CORO7: variants seen among roughly 807,000 people sequenced by gnomAD.
CORO7 encodes coronin 7, also known as coronin-7.
In CORO7, 107 loss-of-function variants were observed where a neutral mutation model predicts 126.6. That is an observed-to-expected ratio of 0.85 (90% CI 0.72 to 0.99). The LOEUF (loss-of-function observed/expected upper bound fraction) is 0.99, where lower values mean the gene tolerates loss of function less well. CORO7 is among the 50% of genes least tolerant of loss of function. The probability of loss-of-function intolerance (pLI) is 0.00; values close to 1 mark genes in which losing one functional copy is unlikely to be tolerated. For synonymous variants in CORO7, 603 were observed against 536.8 expected, an observed-to-expected ratio of 1.12 and a Z score of -1.70; for missense variants, 1,314 against 1,255.8, an observed-to-expected ratio of 1.05 and a Z score of -0.70.
intron 9 of CORO7, among the ~76,000 whole-genome samples, chr16:4,372,144 C>G (rs944682549): frequency 1.3e-5 from 2 of 151,830 alleles, no homozygotes; most frequent in Non-Finnish European, 2.9e-5. Flanking sequence ...GGCCGCCCGG[C>G]GGGCAGGCCC....
chr16:4,391,937 G>C, intron 7 of CORO7, among the ~76,000 whole-genome samples: 1 of 152,192 alleles, frequency 6.6e-6, no homozygotes, highest in East Asian at 1.9e-4. Flanking sequence ...GAGGGGAGGC[G>C]CGTGCCCGCC....
At chr16:4,403,645 G>A (rs1417817917) in intron 6 of CORO7, among the ~76,000 whole-genome samples, 1 of 152,110 alleles carries the variant, frequency 6.6e-6, no homozygotes, top group Non-Finnish European at 1.5e-5. Context: ...ACACCAGTAA[G>A]CAAGGAGAAG....
chr16:4,388,860 A>G (rs2055288760), intron 7 of CORO7, among the ~76,000 whole-genome samples: 1 of 152,168 alleles, frequency 6.6e-6, no homozygotes, highest in South Asian at 2.1e-4. Context: ...CTCTGCACCC[A>G]GAGGCCAACC....
intron 16 of CORO7, chr16:4,361,703 T>G (rs2054185479): frequency 1.3e-6 from 1 of 789,674 alleles, no homozygotes; most frequent in African/African-American, 1.7e-5. Context: ...AAGCTCCGGC[T>G]TAGGGCTCAG....
chr16:4,415,985 A>ACTG (rs2056396154), intron 1 of CORO7: 1 of 657,270 alleles, frequency 1.5e-6, no homozygotes, highest in East Asian at 1.4e-4. Flanking sequence ...CCTCCCCACC[A>ACTG]CTGACACACT....
chr16:4,355,121 G>A lies in CORO7; in HGVS notation c.*37C>T. ...AGCCGTGAGGTGTGCACTAGGAAGT[G>A]GCAGCACAGGTGAGGTGGAGGTGAC... On this transcript the variant is annotated 3_prime_UTR_variant, in exon 28 of 28. Coordinates refer to ENST00000251166, the MANE Select transcript of CORO7 (RefSeq NM_024535.5). 6.7e-7 allele frequency: 1 copy of A among 1,484,340 alleles called. No individual in the cohort carries two copies. The highest frequency in any genetic ancestry group is 2.4e-5 in the East Asian group (1 of 41,514). 91.9% of individuals were successfully genotyped at this position (1,484,340 alleles called of 1,614,324 possible).
intron 9 of CORO7, among the ~76,000 whole-genome samples, chr16:4,375,842 A>T (rs1001526605): frequency 6.6e-6 from 1 of 152,140 alleles, no homozygotes; most frequent in African/African-American, 2.4e-5. Context: ...GGTTTTTTTT[A>T]GAAAGCTTCC....
chr16:4,377,670 T>C (rs959196873), intron 9 of CORO7, among the ~76,000 whole-genome samples: 2 of 152,166 alleles, frequency 1.3e-5, no homozygotes, highest in African/African-American at 4.8e-5. Flanking sequence ...GGCTGGCTGA[T>C]GGGTTCTCAG....
chr16:4,388,094 C>A (rs778740494), intron 8 of CORO7, 26 bp from the exon 9 acceptor site: 2 of 1,601,920 alleles, frequency 1.2e-6, no homozygotes, highest in Non-Finnish European at 1.7e-6. Flanking sequence ...GAGAGGGGCT[C>A]AGAGGGGCCT....
At chr16:4,401,818 C>A (rs1309682971) in intron 6 of CORO7, among the ~76,000 whole-genome samples, 1 of 152,060 alleles carries the variant, frequency 6.6e-6, no homozygotes, top group African/African-American at 2.4e-5. Context: ...CACAGAGGTG[C>A]AGAGACCGAC....
chr16:4,399,849 AG>A (rs1379600344), intron 6 of CORO7, among the ~76,000 whole-genome samples: 1 of 152,108 alleles, frequency 6.6e-6, no homozygotes, highest in Non-Finnish European at 1.5e-5. Context: ...TAAAAAAAAA[AG>A]AAGAAGGTAA....
At position 4,411,517 on chromosome 16, in the gene CORO7, T is replaced by C. The variant is rs915461446; in HGVS notation, c.232+839A>G. On this transcript the variant is annotated intron_variant, in intron 3 of 27. Transcript: ENST00000251166. ...AGAAGTTTGAGACCAGCCCGGGCAA[T>C]ATAGCAAGACCTCGTCTCTATATAC... Among the ~76,000 whole-genome samples, 7 of 152,242 alleles carry C rather than the reference T, an allele frequency of 4.6e-5. No individual in the cohort carries two copies. In the South Asian group the frequency reaches 1.5e-3, roughly 32 times the overall value.
intron 9 of CORO7, among the ~76,000 whole-genome samples, chr16:4,379,938 G>C (rs1227174912): frequency 6.8e-6 from 1 of 148,028 alleles, no homozygotes; most frequent in African/African-American, 2.5e-5. Flanking sequence ...GGCACCTGTA[G>C]TCCCAGCTAC....
At position 4,360,513 on chromosome 16, in the gene CORO7, C is replaced by A; in HGVS notation, c.1953G>T (p.Gln651His). 6.2e-7 allele frequency: 1 copy of A among 1,611,002 alleles called. No homozygotes were observed. The highest frequency in any genetic ancestry group is 8.5e-7 in the Non-Finnish European group (1 of 1,179,108). ...FSLAWSPDGQ[Q>H]LATVCKDGRV... The stretch of plus-strand genomic sequence containing the variant: ...GCCCATCCTTGCAGACAGTGGCCAG[C>A]TGCTGCCCATCAGGACTCCAGGCCA... The change falls in exon 20 of 28, where the codon CAG becomes CAT. Residue 651 changes from glutamine (Q) to histidine (H), a missense_variant. Gln to His is a conservative substitution (Grantham distance 24, BLOSUM62 0). Transcript: ENST00000251166.
In CORO7 at chr16:4,389,772, C is replaced by G. The variant is rs181942858; in HGVS notation, c.616-1141G>C. On this transcript the variant is annotated intron_variant, in intron 7 of 27. Transcript: ENST00000251166. Reference sequence around the variant, plus strand: ...TGCCCTCAACACCCGGAGAGGGTCACAGTGTCATTCAGGCTCCTGCCCTCT... The same window carrying G: ...TGCCCTCAACACCCGGAGAGGGTCAGAGTGTCATTCAGGCTCCTGCCCTCT... Among the ~76,000 whole-genome samples, 170 of 152,352 alleles carry G rather than the reference C, an allele frequency of 1.1e-3. 1 individual carries two copies. Among genetic ancestry groups the G allele is most frequent in the Admixed American group, 4.0e-3 (61 of 15,306 alleles).
intron 9 of CORO7, chr16:4,380,869 G>C: frequency 6.6e-7 from 1 of 1,507,882 alleles, no homozygotes; most frequent in Non-Finnish European, 8.8e-7. Context: ...CTGCTCCCAG[G>C]GACAGAAGAT....
chr16:4,412,589 T>A, intron 2 of CORO7, 159 bp from the exon 3 acceptor site: 4 of 712,158 alleles, frequency 5.6e-6, no homozygotes, highest in Non-Finnish European at 9.3e-6. Context: ...CAATGGCCTG[T>A]GGGTAGGTTC....
chr16:4,396,419 G>A (rs964689689), intron 6 of CORO7, among the ~76,000 whole-genome samples: 1 of 152,154 alleles, frequency 6.6e-6, no homozygotes, highest in Non-Finnish European at 1.5e-5. Context: ...AGAATAACAT[G>A]GCATAGTGTG....
chr16:4,379,742 C>G (rs1405664559), intron 9 of CORO7, among the ~76,000 whole-genome samples: 3 of 151,906 alleles, frequency 2.0e-5, no homozygotes, highest in Non-Finnish European at 2.9e-5. Context: ...CAGGGCAGAC[C>G]CCAAGAAACA....
Sources: allele counts gnomAD v4.1 joint callset (sites outside exome capture counted in the v4.1 genomes callset), GRCh38; gene constraint gnomAD v4.1.1; transcripts MANE v1.5; gene names NCBI Gene and HGNC (gene_info 2026-07-23, HGNC 2026-07-21).